Variants in IGHMBP2 observed in about 807,000 individuals in gnomAD.
IGHMBP2 encodes immunoglobulin mu DNA binding protein 2.
Under a neutral mutation model 96.0 loss-of-function variants are expected in IGHMBP2, and 81 were observed. The ratio of observed to expected loss-of-function variants is 0.84; its 90% CI spans 0.71 to 1.01. IGHMBP2 has a LOEUF of 1.01. Among genes scored for constraint, IGHMBP2 ranks in the 50% least tolerant of loss-of-function variants. The pLI is 0.00. For missense variants in IGHMBP2, 1,227 were observed against 1,306.3 expected, an observed-to-expected ratio of 0.94 and a Z score of 0.94; for synonymous variants, 557 against 548.9, an observed-to-expected ratio of 1.01 and a Z score of -0.21.
intron 4 of IGHMBP2, among the ~76,000 whole-genome samples, chr11:68,909,129 G>A (rs1293199279): frequency 7.1e-6 from 1 of 141,308 alleles, no homozygotes; most frequent in African/African-American, 2.6e-5. Context: ...GTGAGCCACC[G>A]TGCGCCTGGC....
intron 8 of IGHMBP2, among the ~76,000 whole-genome samples, chr11:68,931,592 C>A (rs1294526660): frequency 6.6e-6 from 1 of 152,168 alleles, no homozygotes; most frequent in Non-Finnish European, 1.5e-5. Flanking sequence ...GCAGCGGCCA[C>A]TCTACCTCAG....
In IGHMBP2 at chr11:68,917,739, A is replaced by G; in HGVS notation, c.916A>G (p.Lys306Glu). The change falls in exon 7 of 15, where the codon AAA (lysine) becomes GAA (glutamate). Residue 306 changes from lysine to glutamate, a missense_variant. Lys to Glu is a moderately conservative substitution (Grantham distance 56). Transcript: ENST00000255078. ...TCTCCTTTGTTTTTCTTTATAGGTG[A>G]AAAACAAAAAGACCCAGGATAAGAG... ...IRKDIDQVFV[K>E]NKKTQDKREK... 1.2e-6 allele frequency: 2 copies of G among 1,611,772 alleles called. No homozygotes were observed. The highest frequency in any genetic ancestry group is 8.5e-7 in the Non-Finnish European group (1 of 1,178,170).
chr11:68,922,128 C>T (rs745612255), intron 7 of IGHMBP2, among the ~76,000 whole-genome samples: 4 of 151,706 alleles, frequency 2.6e-5, no homozygotes, highest in African/African-American at 4.8e-5. Flanking sequence ...GTCAGGAGTC[C>T]GAGACCAGCC....
intron 1 of IGHMBP2, 50 bp downstream of exon 1, chr11:68,904,088 C>A: frequency 6.9e-7 from 1 of 1,438,962 alleles, no homozygotes; most frequent in Non-Finnish European, 9.6e-7. Context: ...CCGCCGTGTC[C>A]CGGGCAGAGT....
At chr11:68,915,445 G>T (rs1212773468) in intron 6 of IGHMBP2, among the ~76,000 whole-genome samples, 1 of 151,402 alleles carries the variant, frequency 6.6e-6, no homozygotes, top group Non-Finnish European at 1.5e-5. Flanking sequence ...CTCTCAAAGT[G>T]CTGGGATTAC....
At chr11:68,920,583 A>T (rs370740374) in intron 7 of IGHMBP2, among the ~76,000 whole-genome samples, 1 of 152,194 alleles carries the variant, frequency 6.6e-6, no homozygotes, top group East Asian at 1.9e-4. Flanking sequence ...CCTGGGCTGA[A>T]GTGATTCTCC....
chr11:68,910,979 A>G (rs969205335), intron 4 of IGHMBP2, among the ~76,000 whole-genome samples: 3 of 150,886 alleles, frequency 2.0e-5, no homozygotes, highest in Admixed American at 6.6e-5. Flanking sequence ...TGTTTTTGTC[A>G]TTTGTCTTTA....
intron 6 of IGHMBP2, among the ~76,000 whole-genome samples, chr11:68,916,637 C>T (rs12419421): frequency 0.18 from 27,927 of 152,018 alleles, 2,963 homozygotes; most frequent in Non-Finnish European, 0.25. Context: ...GTCCTAACCT[C>T]GGAGGAGTGG....
chr11:68,927,503 A>G (rs888851934), intron 7 of IGHMBP2, among the ~76,000 whole-genome samples: 4 of 152,198 alleles, frequency 2.6e-5, no homozygotes, highest in Admixed American at 1.3e-4. Context: ...ATGAGAGCTG[A>G]GGGCCTCCCG....
At position 68,936,729 on chromosome 11, in the gene IGHMBP2, TCAATTCCCACGACAGGCTGCGGGTCCAC is replaced by T; in HGVS notation, c.2253_2280del (p.Asn751LysfsTer2). The T allele has an allele frequency of 6.2e-7, 1 of 1,614,034 alleles. No individual in the cohort carries two copies. Among genetic ancestry groups the T allele is most frequent in the Non-Finnish European group, 8.5e-7 (1 of 1,180,026 alleles). On this transcript the variant is annotated frameshift_variant, in exon 13 of 15. Transcript: ENST00000255078. LOFTEE classifies it high-confidence loss of function. Reference sequence around the variant, plus strand: ...ATGCAGTTGGAGTTTCCTCCTTCCCTCAATTCCCACGACAGGCTGCGGGTCCACCAAATAGCCGAGGAGCACGGGCTGA... The same window carrying T: ...ATGCAGTTGGAGTTTCCTCCTTCCCTCAAATAGCCGAGGAGCACGGGCTGA...
At chr11:68,922,117 G>A (rs188208156) in intron 7 of IGHMBP2, among the ~76,000 whole-genome samples, 24 of 152,082 alleles carry the variant, frequency 1.6e-4, no homozygotes, top group Non-Finnish European at 2.9e-4. Context: ...GATCACCTGA[G>A]GTCAGGAGTC....
intron 8 of IGHMBP2, chr11:68,932,708 C>A: frequency 1.2e-5 from 2 of 162,944 alleles, no homozygotes; most frequent in East Asian, 1.7e-4. Context: ...ATGGCTGTGA[C>A]AAATGACCAC....
At chr11:68,909,651 G>A (rs1858353936) in intron 4 of IGHMBP2, among the ~76,000 whole-genome samples, 1 of 145,226 alleles carries the variant, frequency 6.9e-6, no homozygotes. Context: ...TTTTTGAGAC[G>A]GAGACTTGCT....
chr11:68,906,263 A>T lies in IGHMBP2; in HGVS notation c.256+25A>T, dbSNP rs535394484. On this transcript the variant is annotated intron_variant, in intron 2 of 14. Transcript: ENST00000255078. ...GGTGTGTGCGTATTGACCTAGACAG[A>T]CATTGAAATTTACTGGCATTCAGAC... The T allele has an allele frequency of 1.9e-6, 3 of 1,613,076 alleles. No homozygotes were observed. In the Admixed American group the frequency reaches 5.0e-5, roughly 27 times the overall value.
In IGHMBP2 at chr11:68,935,343, T is replaced by C; in HGVS notation, c.1677T>C (p.Leu559=). ...RQSLVHRHPE[L]EIKSVDGFQG... ...GCCTTGTGCACAGGCACCCTGAGCT[T>C]GAAATCAAGTCTGTCGATGGCTTCC... Residue 559 remains leucine, a synonymous_variant, in exon 12 of 15, where the codon CTT becomes CTC. Transcript: ENST00000255078. 1 of 1,614,144 alleles carries C rather than the reference T, an allele frequency of 6.2e-7. No homozygotes were observed. Among genetic ancestry groups the C allele is most frequent in the Non-Finnish European group, 8.5e-7 (1 of 1,180,020 alleles).
intron 7 of IGHMBP2, among the ~76,000 whole-genome samples, chr11:68,919,606 AAGT>A (rs1396636848): frequency 2.0e-5 from 3 of 152,162 alleles, no homozygotes; most frequent in Admixed American, 6.6e-5. Flanking sequence ...AGTGTTCTGT[AAGT>A]AGTCAGATCA....
chr11:68,937,811 A>G (rs1171943018), intron 13 of IGHMBP2: 2 of 272,880 alleles, frequency 7.3e-6, no homozygotes, highest in Non-Finnish European at 1.4e-5. Flanking sequence ...GGGGCCTCCC[A>G]GAGCCTGGGG....
In IGHMBP2 at chr11:68,929,373, C is replaced by T. The variant is rs1859187100; in HGVS notation, c.1235+16C>T. On this transcript the variant is annotated intron_variant, in intron 8 of 14. Transcript: ENST00000255078. Reference sequence around the variant, plus strand: ...TCTCTCACAAGTAAGACCCCTTTGCCTCACATGCCCTTCTCTGCCCCCGCC... The same window carrying T: ...TCTCTCACAAGTAAGACCCCTTTGCTTCACATGCCCTTCTCTGCCCCCGCC... 4 of 1,609,902 alleles carry T rather than the reference C, an allele frequency of 2.5e-6. No homozygotes were observed. In the East Asian group the frequency reaches 8.9e-5, roughly 36 times the overall value.
intron 10 of IGHMBP2, 140 bp downstream of exon 10, chr11:68,934,053 T>C (rs1859425620): frequency 1.4e-6 from 1 of 717,956 alleles, no homozygotes. Flanking sequence ...AGCCCCACAC[T>C]GCAAGAGGCT....
Sources: allele counts gnomAD v4.1 joint callset (sites outside exome capture counted in the v4.1 genomes callset), GRCh38; gene constraint gnomAD v4.1.1; transcripts MANE v1.5; gene names NCBI Gene and HGNC (gene_info 2026-07-23, HGNC 2026-07-21).